Variants in RORC observed in about 807,000 individuals in gnomAD.
RORC encodes nuclear receptor ROR-gamma.
RORC carries 13 observed loss-of-function variants against 64.5 expected under a neutral mutation model. The observed-to-expected ratio is 0.20, with a 90% CI of 0.13 to 0.32. The LOEUF (loss-of-function observed/expected upper bound fraction) is 0.32, where lower values mean the gene tolerates loss of function less well. Ranked by LOEUF, RORC falls within the 10% of genes least tolerant of loss-of-function variation. RORC has a pLI of 1.00. For synonymous variants in RORC, 277 were observed against 259.3 expected (o/e 1.07, Z -0.65); for missense variants, 468 against 669.5 (o/e 0.70, Z 3.32).
chr1:151,813,673 C>T (rs1651632524), intron 6 of RORC, 53 bp from the exon 7 acceptor site: 1 of 1,593,632 alleles, frequency 6.3e-7, no homozygotes, highest in East Asian at 2.3e-5. Context: ...CCCTGTGATC[C>T]TCCTGAGCCC....
intron 5 of RORC, 45 bp downstream of exon 5, chr1:151,814,868 C>A (rs768828916): frequency 5.7e-6 from 9 of 1,585,624 alleles, no homozygotes; most frequent in Non-Finnish European, 6.9e-6. Flanking sequence ...TGGTGGAAAC[C>A]CCTCCCTCAT....
In RORC at chr1:151,807,580, C is replaced by A; in HGVS notation, c.1449G>T (p.Leu483=). Residue 483 remains leucine, a synonymous_variant, in exon 11 of 11, where the codon CTG becomes CTT. Transcript: ENST00000318247. This position sits in a 1 kb window ranked among gnomAD's most constrained non-coding sequence, Gnocchi z 5.0. ...RSLCSQHVER[L]QIFQHLHPIV... is the part of the protein sequence containing the mutation. ...TGGGGTGGAGGTGCTGGAAGATCTG[C>A]AGCCTTTCCACATGCTGGCTACACA... 1 of 1,614,006 alleles carries A rather than the reference C, an allele frequency of 6.2e-7. No individual in the cohort carries two copies.
intron 6 of RORC, chr1:151,813,860 A>G: frequency 1.9e-6 from 1 of 517,478 alleles, no homozygotes; most frequent in African/African-American, 1.9e-5. Context: ...TCCAAAAAGT[A>G]TGAGATACAG....
At chr1:151,813,143 G>T in intron 8 of RORC, 86 bp from the exon 9 acceptor site, 1 of 1,447,286 alleles carries the variant, frequency 6.9e-7, no homozygotes, top group Non-Finnish European at 9.7e-7. Context: ...TAGAGCAGAG[G>T]GGGCAATTCG....
rs1162542700 is a variant in RORC at position 151,830,166 on chromosome 1, C to T, written c.41-708G>A. Among the ~76,000 whole-genome samples, 3 of 152,156 alleles carry T rather than the reference C, an allele frequency of 2.0e-5. No individual in the cohort carries two copies. Among genetic ancestry groups the T allele is most frequent in the African/African-American group, 7.2e-5 (3 of 41,430 alleles). On this transcript the variant is annotated intron_variant, in intron 1 of 10. Transcript: ENST00000318247. This position sits in a 1 kb window ranked among gnomAD's most constrained non-coding sequence, Gnocchi z 4.0. ...GGGAGAGTTGCAAATACAGACCCCT[C>T]TCTGGCTTCCACGGGCCAGGCTTCC...
At chr1:151,810,839 C>T (rs1393735091) in intron 10 of RORC, among the ~76,000 whole-genome samples, 2 of 152,224 alleles carry the variant, frequency 1.3e-5, no homozygotes, top group Admixed American at 6.5e-5. Context: ...GGCTGCTACA[C>T]AGGGAGATTT....
intron 9 of RORC, 68 bp downstream of exon 9, chr1:151,812,879 A>C: frequency 1.0e-6 from 1 of 995,772 alleles, no homozygotes; most frequent in Non-Finnish European, 1.6e-6. Flanking sequence ...GAAGGTCTAG[A>C]CTCTTCTTCA....
At position 151,807,479 on chromosome 1, in the gene RORC, G is replaced by A. The variant is rs760694776; in HGVS notation, c.1550C>T (p.Ser517Phe). The change falls in exon 11 of 11, where the codon TCC becomes TTC. Residue 517 changes from serine to phenylalanine, a missense_variant. Ser to Phe is a radical substitution (Grantham distance 155). Around this residue, in one of 5 missense-constraint regions of RORC, gnomAD observed 93 missense variants for 116.6 expected, o/e 0.80. Coordinates refer to ENST00000318247, the MANE Select transcript of RORC (RefSeq NM_005060.4). This position sits in a 1 kb window ranked among gnomAD's most constrained non-coding sequence, Gnocchi z 5.0. ...STETESPVGL[S>F]K ...AGGAGTCCCTCTTCCAGGTCACTTG[G>A]ACAGCCCCACAGGTGACTCGGTTTC... The A allele has an allele frequency of 6.2e-7, 1 of 1,614,090 alleles. No homozygotes were observed. The highest frequency in any genetic ancestry group is 8.5e-7 in the Non-Finnish European group (1 of 1,179,936).
At chr1:151,818,276 C>T (rs1324686098) in intron 2 of RORC, among the ~76,000 whole-genome samples, 2 of 152,132 alleles carry the variant, frequency 1.3e-5, no homozygotes, top group African/African-American at 2.4e-5. Context: ...TGTGCATATG[C>T]AAGAAAAGTA....
At chr1:151,824,264 C>G (rs1558169420) in intron 2 of RORC, among the ~76,000 whole-genome samples, 1 of 152,146 alleles carries the variant, frequency 6.6e-6, no homozygotes, top group Non-Finnish European at 1.5e-5. Context: ...GGAGGAGGCC[C>G]TCTCTCCTAC....
Position 151,830,621 on chromosome 1 carries a change from T to TACACACAC in RORC, c.40+1096_40+1103dup, listed in dbSNP as rs1553293049. ...TGCTGTTCAGTCTTGACACCTGACA[T>TACACACAC]ACACACACACACACACACACACACA... On this transcript the variant is annotated intron_variant, in intron 1 of 10. Coordinates refer to ENST00000318247, the MANE Select transcript of RORC (RefSeq NM_005060.4). This position sits in a 1 kb window ranked among gnomAD's most constrained non-coding sequence, Gnocchi z 4.0. 8.0e-3 allele frequency among the ~76,000 whole-genome samples: 458 copies of TACACACAC among 57,184 alleles called. 15 individuals carry two copies. Among genetic ancestry groups the TACACACAC allele is most frequent in the Admixed American group, 0.022 (139 of 6,252 alleles). 37.5% of individuals were successfully genotyped at this position (57,184 alleles called of 152,430 possible).
intron 2 of RORC, among the ~76,000 whole-genome samples, chr1:151,824,611 T>C (rs969251448): frequency 2.6e-5 from 4 of 152,178 alleles, no homozygotes; most frequent in Non-Finnish European, 4.4e-5. Flanking sequence ...GTCACAGAAG[T>C]GGAATTCTTT....
intron 2 of RORC, among the ~76,000 whole-genome samples, chr1:151,824,228 G>T (rs1038576387): frequency 6.6e-6 from 1 of 152,156 alleles, no homozygotes; most frequent in African/African-American, 2.4e-5. Flanking sequence ...CAAGTGAGAA[G>T]GACCAGTGGC....
chr1:151,813,026 G>A lies in RORC; in HGVS notation c.1206C>T (p.Asp402=). 1 of 1,614,058 alleles carries A rather than the reference G, an allele frequency of 6.2e-7. No individual in the cohort carries two copies. The highest frequency in any genetic ancestry group is 8.5e-7 in the Non-Finnish European group (1 of 1,179,912). Residue 402 remains aspartate (D), a synonymous_variant, in exon 9 of 11, where the codon GAC becomes GAT. Transcript: ENST00000318247. Reference sequence around the variant, plus strand: ...GCAAGGCACTTAGGGAGTGGGAGAAGTCAAAGATGGAGCTGATGAGCTCGC... The same window carrying A: ...GCAAGGCACTTAGGGAGTGGGAGAAATCAAAGATGGAGCTGATGAGCTCGC... ...GCSELISSIF[D]FSHSLSALHF...
At chr1:151,827,738 C>T (rs1462302500) in intron 2 of RORC, among the ~76,000 whole-genome samples, 4 of 152,096 alleles carry the variant, frequency 2.6e-5, no homozygotes, top group East Asian at 1.9e-4. Flanking sequence ...GGAGCTGGGC[C>T]GTGGAGTGGG....
At chr1:151,829,780 T>C (rs1378212368) in intron 1 of RORC, among the ~76,000 whole-genome samples, 1 of 152,220 alleles carries the variant, frequency 6.6e-6, no homozygotes, top group Non-Finnish European at 1.5e-5. Context: ...CTGATTATGT[T>C]TCTTCCTTGG....
chr1:151,826,032 G>A, intron 2 of RORC: 3 of 1,596,034 alleles, frequency 1.9e-6, no homozygotes, highest in Non-Finnish European at 8.5e-7. Flanking sequence ...GCGGGGCGAG[G>A]CCCTCTCAGC....
In RORC at chr1:151,831,695, C is replaced by G. The variant is rs752151611; in HGVS notation, c.40+30G>C. On this transcript the variant is annotated intron_variant, in intron 1 of 10. Coordinates refer to ENST00000318247, the MANE Select transcript of RORC (RefSeq NM_005060.4). ...CCTCTGAACCTCCAGCAGTCTCTTC[C>G]ACCTGCAGGCAGGGCCATGGGCCTC... is the stretch of plus-strand genomic sequence containing the variant. The G allele has an allele frequency of 5.0e-6, 8 of 1,610,878 alleles. No individual in the cohort carries two copies. The South Asian group carries it at 7.7e-5, about 15-fold the overall frequency.
At chr1:151,816,394 G>A (rs1164249677) in intron 4 of RORC, among the ~76,000 whole-genome samples, 2 of 152,216 alleles carry the variant, frequency 1.3e-5, no homozygotes, top group African/African-American at 2.4e-5. Context: ...AGGAGAATTC[G>A]TTCCAAGTAA....
Sources: allele counts gnomAD v4.1 joint callset (sites outside exome capture counted in the v4.1 genomes callset), GRCh38; gene constraint gnomAD v4.1.1; regional missense constraint gnomAD v4.1.1; non-coding constraint Gnocchi (gnomAD v3.1); transcripts MANE v1.5; gene names NCBI Gene and HGNC (gene_info 2026-07-23, HGNC 2026-07-21).